Variants in ZNF3 observed in about 807,000 individuals in gnomAD.
The protein encoded by ZNF3 is zinc finger protein 3.
ZNF3 carries 16 observed loss-of-function variants against 36.9 expected under a neutral mutation model. That is an observed-to-expected ratio of 0.43 (90% CI 0.29 to 0.66). The LOEUF (loss-of-function observed/expected upper bound fraction) is 0.66. ZNF3 is among the 30% of genes least tolerant of loss of function. ZNF3 has a pLI of 0.13. For missense variants in ZNF3, 462 were observed against 543.1 expected (o/e 0.85, Z 1.48); for synonymous variants, 201 against 201.9 (o/e 1.00, Z 0.04).
In ZNF3 at chr7:100,077,400, C is replaced by T. The variant is rs764433967; in HGVS notation, c.-43G>A. 1.3e-5 allele frequency: 21 copies of T among 1,612,246 alleles called. No homozygotes were observed. Among genetic ancestry groups the T allele is most frequent in the Admixed American group, 1.7e-5 (1 of 59,680 alleles). ...TCTGGTCTCCTGGGTGCAGACTCAG[C>T]GGGAAGCGGGTTTTAAAAGAGAATG... On this transcript the variant is annotated 5_prime_UTR_variant, in exon 3 of 6. Transcript: ENST00000299667.
chr7:100,081,705 C>T lies in ZNF3; in HGVS notation c.-268G>A, dbSNP rs1350704863. 1.3e-5 allele frequency: 2 copies of T among 152,390 alleles called. No homozygotes were observed. Among genetic ancestry groups the T allele is most frequent in the African/African-American group, 4.8e-5 (2 of 41,452 alleles). The allele number at this position is 152,390 out of a possible 1,614,324, so 9.4% of individuals were successfully genotyped here. A position where few individuals can be genotyped will look rare whatever the true frequency, so the allele number is the denominator to read the frequency against. On this transcript the variant is annotated 5_prime_UTR_variant, in exon 1 of 6. Transcript: ENST00000299667. The surrounding 1 kb of genome is among the most constrained non-coding windows in gnomAD (Gnocchi z 4.3). ...GCCCTGTTGGACCCTGTCACAGACC[C>T]ACACACCGGGGACAGAACAAAGAAC...
At chr7:100,065,028 T>C (rs867993083), downstream of ZNF3, 9 of 1,300,172 alleles carry the variant, frequency 6.9e-6, no homozygotes, top group South Asian at 7.1e-5. Context: ...AATAAACTTA[T>C]AACATCTTGT....
rs371066924 is a variant in ZNF3, at chr7:100,071,454, C to G, written c.1030G>C (p.Glu344Gln). 1.4e-5 allele frequency: 22 copies of G among 1,614,034 alleles called. No homozygotes were observed. The highest frequency in any genetic ancestry group is 1.9e-5 in the Non-Finnish European group (22 of 1,180,016). ...HTGEKPYECNECGKAFSQSSH... is the reference protein window; with the variant it reads ...HTGEKPYECNQCGKAFSQSSH... ...CTCTGGCTGAAGGCTTTCCCACATT[C>G]ATTACATTCATAGGGTTTTTCTCCA... The change falls in exon 6 of 6, where the codon GAA becomes CAA. Residue 344 changes from glutamate to glutamine, a missense_variant. Transcript: ENST00000299667.
downstream of ZNF3, among the ~76,000 whole-genome samples, chr7:100,069,571 AAAT>A (rs1171700583): frequency 6.8e-6 from 1 of 147,368 alleles, no homozygotes; most frequent in East Asian, 2.1e-4. Flanking sequence ...AAAAAAAAAA[AAAT>A]TAAGTCAACT....
intron 5 of ZNF3, among the ~76,000 whole-genome samples, chr7:100,072,727 C>T (rs1053782059): frequency 6.6e-6 from 1 of 152,120 alleles, no homozygotes; most frequent in Admixed American, 6.5e-5. Context: ...GCTGTCGTCA[C>T]GCCACAAATG....
downstream of ZNF3, chr7:100,069,915 CAT>C (rs1792866949): frequency 4.1e-6 from 4 of 984,602 alleles, no homozygotes; most frequent in Middle Eastern, 5.2e-4. Context: ...ACCCAGCCAA[CAT>C]GTCTTGTTTT....
At position 100,071,786 on chromosome 7, in the gene ZNF3, C is replaced by A; in HGVS notation, c.698G>T (p.Cys233Phe). Residue 233 changes from cysteine (C) to phenylalanine (F), a missense_variant, in exon 6 of 6, where the codon TGT becomes TTT. Physicochemically the swap from Cys to Phe is radical, Grantham distance 205 (BLOSUM62 -2). Coordinates refer to ENST00000299667, the MANE Select transcript of ZNF3 (RefSeq NM_032924.5). ...TGAGCTCTGGCTGAAGGCCTTCCCA[C>A]ACTCATTACATTCATAGGGCTTTTC... Reference protein sequence around the residue: ...TGEKPYECNECGKAFSQSSHL... With the variant: ...TGEKPYECNEFGKAFSQSSHL... The A allele has an allele frequency of 6.2e-7, 1 of 1,613,828 alleles. No individual in the cohort carries two copies. Among genetic ancestry groups the A allele is most frequent in the Non-Finnish European group, 8.5e-7 (1 of 1,179,830 alleles).
intron 5 of ZNF3, among the ~76,000 whole-genome samples, 197 bp downstream of exon 5, chr7:100,074,938 G>A (rs1031183279): frequency 6.6e-6 from 1 of 152,154 alleles, no homozygotes; most frequent in African/African-American, 2.4e-5. Flanking sequence ...TGTAGTCCCA[G>A]CTACTTGGGA....
rs1362990386 is a variant in ZNF3, at chr7:100,071,755, A to T, written c.729T>A (p.Leu243=). Residue 243 remains leucine (L), a synonymous_variant, in exon 6 of 6, where the codon CTT becomes CTA. Coordinates refer to ENST00000299667, the MANE Select transcript of ZNF3 (RefSeq NM_032924.5). The stretch of plus-strand genomic sequence containing the variant: ...CAGTGTGGATTCTCTGATGCTGAAT[A>T]AGGTGTGAGCTCTGGCTGAAGGCCT... ...CGKAFSQSSH[L]IQHQRIHTGE... is the part of the protein sequence containing the mutation. The T allele has an allele frequency of 6.2e-7, 1 of 1,607,634 alleles. No homozygotes were observed. Among genetic ancestry groups the T allele is most frequent in the East Asian group, 2.3e-5 (1 of 44,434 alleles).
chr7:100,071,511 A>C lies in ZNF3; in HGVS notation c.973T>G (p.Ser325Ala). The C allele has an allele frequency of 1.9e-6, 3 of 1,613,862 alleles. No individual in the cohort carries two copies. The highest frequency in any genetic ancestry group is 2.5e-6 in the Non-Finnish European group (3 of 1,179,978). Residue 325 changes from serine (S) to alanine (A), a missense_variant, in exon 6 of 6, where the codon TCA becomes GCA. Transcript: ENST00000299667. The stretch of plus-strand genomic sequence containing the variant: ...ATTCTCTGATGGTGAATAAGGGTTG[A>C]GCTCCTGCTGAAGGCCTTCCCACAT... ...NECGKAFSRS[S>A]TLIHHQRIHT...
chr7:100,069,711 T>G (rs1277168436), downstream of ZNF3, among the ~76,000 whole-genome samples: 1 of 152,058 alleles, frequency 6.6e-6, no homozygotes, highest in Non-Finnish European at 1.5e-5. Flanking sequence ...CCTCCCGGGT[T>G]CAAGTAGTTC....
At position 100,075,631 on chromosome 7, in the gene ZNF3, C is replaced by T. The variant is rs762188135; in HGVS notation, c.56-1G>A. 3.1e-6 allele frequency: 5 copies of T among 1,614,008 alleles called. No homozygotes were observed. The South Asian group carries it at 5.5e-5, about 18-fold the overall frequency. ...AAGGCAGGAACTTTTGAAGGAAGAG[C>T]TGAAGGGCAATAAAAGGGCCCAGGA... On this transcript the variant is annotated splice_acceptor_variant, in intron 3 of 5. Coordinates refer to ENST00000299667, the MANE Select transcript of ZNF3 (RefSeq NM_032924.5). LOFTEE classifies it high-confidence loss of function.
intron 3 of ZNF3, 60 bp downstream of exon 3, chr7:100,077,243 A>G: frequency 6.2e-7 from 1 of 1,609,068 alleles, no homozygotes; most frequent in East Asian, 2.2e-5. Flanking sequence ...TAAGTGAGCG[A>G]TTTCAATGGA....
chr7:100,071,335 A>G lies in ZNF3; in HGVS notation c.1149T>C (p.Leu383=), dbSNP rs2116270639. The change falls in exon 6 of 6, where the codon CTT becomes CTC. Residue 383 remains leucine, a synonymous_variant. Transcript: ENST00000299667. ...CGGTGTGGATTCTTTGATGCTGAAT[A>G]AGGCCTGAACTGTAGGTAAACTTTC... ...CGGKFTYSSG[L]IQHQRIHTGE... is the part of the protein sequence containing the mutation. 1 of 1,613,308 alleles carries G rather than the reference A, an allele frequency of 6.2e-7. No homozygotes were observed. The highest frequency in any genetic ancestry group is 2.2e-5 in the East Asian group (1 of 44,812).
chr7:100,071,005 G>C lies in ZNF3; in HGVS notation c.*138C>G. On this transcript the variant is annotated 3_prime_UTR_variant, in exon 6 of 6. Coordinates refer to ENST00000299667, the MANE Select transcript of ZNF3 (RefSeq NM_032924.5). ...GGTGTGATTTCTGGGAAAATTCAAC[G>C]ATTTGCCCCATCTGCCCCATTCTCT... 2.7e-6 allele frequency: 4 copies of C among 1,466,748 alleles called. No homozygotes were observed. The highest frequency in any genetic ancestry group is 1.5e-5 in the South Asian group (1 of 64,818). The allele number at this position is 1,466,748 out of a possible 1,614,324, so 90.9% of individuals were successfully genotyped here. A position where few individuals can be genotyped will look rare whatever the true frequency, so the allele number is the denominator to read the frequency against.
chr7:100,075,077 G>T, intron 5 of ZNF3, 58 bp downstream of exon 5: 1 of 1,536,432 alleles, frequency 6.5e-7, no homozygotes, highest in Non-Finnish European at 8.7e-7. Context: ...ATTGTTACTA[G>T]CAAACGAAGA....
intron 5 of ZNF3, among the ~76,000 whole-genome samples, chr7:100,074,356 G>A (rs372594072): frequency 1.1e-4 from 17 of 152,066 alleles, no homozygotes; most frequent in South Asian, 4.2e-4. Context: ...CTGCAACCTC[G>A]GCTTCCCAGG....
chr7:100,068,956 A>G (rs1198784535), downstream of ZNF3, among the ~76,000 whole-genome samples: 1 of 151,832 alleles, frequency 6.6e-6, no homozygotes, highest in Non-Finnish European at 1.5e-5. Context: ...AGCTGGGATT[A>G]CAGGCACGTG....
chr7:100,071,116 A>C lies in ZNF3; in HGVS notation c.*27T>G, dbSNP rs1308545679. ...GCAAGAGCTCTTGAGACTCAGGGAAAGTGAGGAAAATGGGTGTGTGGCTCT... is the reference window on the plus strand; with the variant it reads ...GCAAGAGCTCTTGAGACTCAGGGAACGTGAGGAAAATGGGTGTGTGGCTCT... On this transcript the variant is annotated 3_prime_UTR_variant, in exon 6 of 6. Transcript: ENST00000299667. The C allele has an allele frequency of 5.2e-6, 8 of 1,548,678 alleles. No homozygotes were observed. Among genetic ancestry groups the C allele is most frequent in the Non-Finnish European group, 7.0e-6 (8 of 1,149,134 alleles).
Sources: gnomAD v4.1 joint callset for allele counts (sites outside exome capture counted in the v4.1 genomes callset) on GRCh38, gnomAD v4.1.1 for gene constraint, Gnocchi (gnomAD v3.1) non-coding constraint, MANE v1.5 for transcripts, NCBI Gene and HGNC (gene_info 2026-07-23, HGNC 2026-07-21) for gene names.